The following LDLRAD3 variants were observed in gnomAD, a reference collection of about 807,000 sequenced individuals.
LDLRAD3 encodes low-density lipoprotein receptor class A domain-containing protein 3.
In LDLRAD3, 20 loss-of-function variants were observed where a neutral mutation model predicts 29.4. The observed-to-expected ratio is 0.68, with a 90% CI of 0.48 to 0.99. The LOEUF is 0.99. LDLRAD3 is among the 50% of genes least tolerant of loss of function. The pLI is 0.00. For missense variants in LDLRAD3, 420 were observed against 454.3 expected (o/e 0.92, Z 0.69); for synonymous variants, 157 against 192.7 (o/e 0.81, Z 1.53).
intron 4 of LDLRAD3, among the ~76,000 whole-genome samples, chr11:36,198,435 T>C (rs540443579): frequency 2.6e-5 from 4 of 152,288 alleles, no homozygotes; most frequent in African/African-American, 7.2e-5. Context: ...GTAAAAGATA[T>C]ACTGTCCACT....
At position 36,218,059 on chromosome 11, in the gene LDLRAD3, A is replaced by T. The variant is rs79767434; in HGVS notation, c.455-9026A>T. 7.8e-3 allele frequency among the ~76,000 whole-genome samples: 1,190 copies of T among 152,298 alleles called. 16 individuals carry two copies. The highest frequency in any genetic ancestry group is 0.027 in the African/African-American group (1,138 of 41,576). On this transcript the variant is annotated intron_variant, in intron 4 of 5. Transcript: ENST00000315571. ...CTCAATACAGATGGTGCAAGGATTA[A>T]AAGTGTTAGAATGTGTAAAACACAT...
chr11:36,112,911 T>C (rs1252281055), intron 4 of LDLRAD3, among the ~76,000 whole-genome samples: 1 of 152,176 alleles, frequency 6.6e-6, no homozygotes, highest in Admixed American at 6.5e-5. Context: ...TCTTCTAGAG[T>C]ATGCCTTTCC....
chr11:36,107,315 C>T (rs575288946), intron 4 of LDLRAD3, among the ~76,000 whole-genome samples: 63 of 152,144 alleles, frequency 4.1e-4, no homozygotes, highest in African/African-American at 1.4e-3. Flanking sequence ...GTTCTCCTGC[C>T]ACAGCCTCCC....
At chr11:35,961,899 C>T (rs972126433) in intron 1 of LDLRAD3, among the ~76,000 whole-genome samples, 6 of 152,036 alleles carry the variant, frequency 3.9e-5, no homozygotes, top group African/African-American at 7.2e-5. Flanking sequence ...TACAAACGAT[C>T]CAATTATACT....
At chr11:36,183,870 A>T (rs1467165532) in intron 4 of LDLRAD3, 1 of 198,500 alleles carries the variant, frequency 5.0e-6, no homozygotes, top group Non-Finnish European at 1.1e-5. Context: ...TGTCTAATCT[A>T]CGGTTAAGTG....
chr11:36,043,788 T>A (rs1852412452), intron 2 of LDLRAD3, among the ~76,000 whole-genome samples: 1 of 152,164 alleles, frequency 6.6e-6, no homozygotes, highest in South Asian at 2.1e-4. Context: ...AAGGGCTGAA[T>A]TCCAAGGGCC....
At chr11:36,201,626 T>A (rs984679104) in intron 4 of LDLRAD3, among the ~76,000 whole-genome samples, 1 of 152,222 alleles carries the variant, frequency 6.6e-6, no homozygotes, top group Non-Finnish European at 1.5e-5. Context: ...ACTTCCATAA[T>A]TACAACGATG....
intron 1 of LDLRAD3, among the ~76,000 whole-genome samples, chr11:35,964,734 T>C (rs1016998650): frequency 2.0e-5 from 3 of 152,136 alleles, no homozygotes; most frequent in Non-Finnish European, 4.4e-5. Flanking sequence ...ATGCCTGTAA[T>C]CCTAGCACTT....
intron 3 of LDLRAD3, among the ~76,000 whole-genome samples, chr11:36,095,575 C>G (rs564217275): frequency 6.6e-6 from 1 of 152,212 alleles, no homozygotes; most frequent in East Asian, 1.9e-4. Context: ...TGCATTAAAA[C>G]CAATCTGTGA....
At chr11:36,144,182 C>T (rs1365853007) in intron 4 of LDLRAD3, among the ~76,000 whole-genome samples, 5 of 151,998 alleles carry the variant, frequency 3.3e-5, no homozygotes, top group African/African-American at 1.2e-4. Context: ...CCGCCAGCCT[C>T]GGCCTCCCGA....
At chr11:36,023,070 G>A (rs1256037665) in intron 1 of LDLRAD3, among the ~76,000 whole-genome samples, 3 of 152,170 alleles carry the variant, frequency 2.0e-5, no homozygotes, top group Non-Finnish European at 2.9e-5. Flanking sequence ...TTGTAGAAGC[G>A]GGATGGACCA....
chr11:36,102,530 C>T (rs952944917), intron 4 of LDLRAD3, among the ~76,000 whole-genome samples: 2 of 152,156 alleles, frequency 1.3e-5, no homozygotes, highest in African/African-American at 2.4e-5. Context: ...TTTAGTTCCC[C>T]TCCTTATCCT....
At chr11:36,012,043 A>T (rs989481170) in intron 1 of LDLRAD3, among the ~76,000 whole-genome samples, 1 of 152,206 alleles carries the variant, frequency 6.6e-6, no homozygotes, top group African/African-American at 2.4e-5. Context: ...TAATCAGTTT[A>T]GATTGTTGTT....
rs2133351237 is a variant in LDLRAD3 at position 36,174,242 on chromosome 11, A to C, written c.455-52843A>C. Among the ~76,000 whole-genome samples the C allele has an allele frequency of 1.3e-5, 2 of 152,366 alleles. 1 individual carries two copies. The highest frequency in any genetic ancestry group is 4.1e-4 in the South Asian group (2 of 4,832). ...GATGGATTAAAGACTTAAATGTTAG[A>C]CCTAAAACCATAAAAACCCCAGAAG... On this transcript the variant is annotated intron_variant, in intron 4 of 5. Coordinates refer to ENST00000315571, the MANE Select transcript of LDLRAD3 (RefSeq NM_174902.4).
chr11:35,994,417 T>TA (rs1182326259), intron 1 of LDLRAD3, among the ~76,000 whole-genome samples: 1 of 148,530 alleles, frequency 6.7e-6, no homozygotes, highest in Non-Finnish European at 1.5e-5. Flanking sequence ...GCATTATATC[T>TA]AAAAAAAAGT....
At chr11:35,998,126 T>TC (rs1851778395) in intron 1 of LDLRAD3, among the ~76,000 whole-genome samples, 1 of 152,170 alleles carries the variant, frequency 6.6e-6, no homozygotes, top group African/African-American at 2.4e-5. Context: ...ATTTCCTTTT[T>TC]CTCTAACCCT....
chr11:36,190,784 G>A (rs1854929173), intron 4 of LDLRAD3, among the ~76,000 whole-genome samples: 1 of 152,130 alleles, frequency 6.6e-6, no homozygotes, highest in South Asian at 2.1e-4. Context: ...TGAAATTTCA[G>A]AACATTGGGC....
chr11:36,128,754 C>T (rs1853880772), intron 4 of LDLRAD3, among the ~76,000 whole-genome samples: 1 of 151,334 alleles, frequency 6.6e-6, no homozygotes, highest in African/African-American at 2.4e-5. Flanking sequence ...GTGGCTGAGT[C>T]AGGAGAATCG....
At chr11:36,035,942 G>A (rs1040342361) in intron 1 of LDLRAD3, among the ~76,000 whole-genome samples, 161 bp from the exon 2 acceptor site, 5 of 152,130 alleles carry the variant, frequency 3.3e-5, no homozygotes, top group African/African-American at 9.7e-5. Flanking sequence ...GTGGACTGGG[G>A]CAGATTATTA....
Sources: gnomAD v4.1 joint callset for allele counts (sites outside exome capture counted in the v4.1 genomes callset) on GRCh38, gnomAD v4.1.1 for gene constraint, MANE v1.5 for transcripts, NCBI Gene and HGNC (gene_info 2026-07-23, HGNC 2026-07-21) for gene names.